The following RNF13 variants were observed in gnomAD, a reference collection of about 807,000 sequenced individuals.
RNF13 encodes ring finger protein 13, also known as E3 ubiquitin-protein ligase RNF13.
In RNF13, 19 loss-of-function variants were observed where a neutral mutation model predicts 37.7. The observed-to-expected ratio is 0.50, with a 90% CI of 0.35 to 0.74. RNF13 has a LOEUF of 0.74. RNF13 is among the 30% of genes least tolerant of loss of function. The probability of loss-of-function intolerance (pLI) is 0.01; values close to 1 mark genes in which losing one functional copy is unlikely to be tolerated. For missense variants in RNF13, 375 were observed against 453.0 expected, an observed-to-expected ratio of 0.83 and a Z score of 1.56; for synonymous variants, 144 against 157.8, an observed-to-expected ratio of 0.91 and a Z score of 0.65.
At chr3:149,894,021 AT>A (rs1263378487) in intron 4 of RNF13, 3 of 152,168 alleles carry the variant, frequency 2.0e-5, no homozygotes, top group Admixed American at 6.5e-5. Context: ...ATTTAAACAC[AT>A]TTAAAAAGTA....
At chr3:149,833,332 C>T (rs927188961) in intron 1 of RNF13, among the ~76,000 whole-genome samples, 1 of 151,988 alleles carries the variant, frequency 6.6e-6, no homozygotes, top group African/African-American at 2.4e-5. Context: ...TTTGGCCAGG[C>T]AGGCCATTAT....
chr3:149,834,351 T>C (rs1389526822), intron 1 of RNF13, among the ~76,000 whole-genome samples: 2 of 152,182 alleles, frequency 1.3e-5, no homozygotes, highest in Admixed American at 1.3e-4. Context: ...AACTACAAAA[T>C]TCCAGTAATT....
At chr3:149,885,047 A>G (rs989769486) in intron 4 of RNF13, among the ~76,000 whole-genome samples, 2 of 152,154 alleles carry the variant, frequency 1.3e-5, no homozygotes, top group Non-Finnish European at 2.9e-5. Flanking sequence ...TCATGTTGCA[A>G]ATGACAGGAT....
intron 3 of RNF13, among the ~76,000 whole-genome samples, chr3:149,860,276 T>A (rs202002991): frequency 0.24 from 25,081 of 105,506 alleles, 3,319 homozygotes; most frequent in East Asian, 0.5. Flanking sequence ...AAAAAATATA[T>A]ATATATATAT....
chr3:149,814,223 GT>G (rs948132531), intron 1 of RNF13: 73 of 152,254 alleles, frequency 4.8e-4, no homozygotes, highest in African/African-American at 1.8e-3. Flanking sequence ...ACAATGATGT[GT>G]TTGTTCTCCA....
At chr3:149,954,684 A>G (rs781206237) in intron 8 of RNF13, among the ~76,000 whole-genome samples, 1 of 152,088 alleles carries the variant, frequency 6.6e-6, no homozygotes, top group Non-Finnish European at 1.5e-5. Flanking sequence ...ATTCATCTTC[A>G]CTTTTGAAGT....
chr3:149,813,138 G>GCAAC (rs1485607500), upstream of RNF13: 1 of 152,308 alleles, frequency 6.6e-6, no homozygotes, highest in Non-Finnish European at 1.5e-5. Flanking sequence ...GCCTTAACAG[G>GCAAC]CAACCATGTT....
intron 6 of RNF13, among the ~76,000 whole-genome samples, chr3:149,902,883 G>A (rs773224863): frequency 3.3e-5 from 5 of 152,044 alleles, no homozygotes; most frequent in Admixed American, 6.6e-5. Context: ...AGCAAAGCTG[G>A]GCACTCATGA....
At chr3:149,896,483 A>C (rs990797953) in intron 5 of RNF13, among the ~76,000 whole-genome samples, 2 of 143,138 alleles carry the variant, frequency 1.4e-5, no homozygotes, top group African/African-American at 5.1e-5. Context: ...CTTCTTCTTT[A>C]TTTTTTTTTT....
At chr3:149,859,426 C>T (rs1006917271) in intron 3 of RNF13, among the ~76,000 whole-genome samples, 3 of 152,042 alleles carry the variant, frequency 2.0e-5, no homozygotes, top group Non-Finnish European at 4.4e-5. Context: ...AGGAATATAG[C>T]ATTTCATTTG....
At chr3:149,895,212 A>G (rs1249099854) in intron 4 of RNF13, 3 of 309,302 alleles carry the variant, frequency 9.7e-6, no homozygotes, top group Non-Finnish European at 1.8e-5. Flanking sequence ...GGGTTACAAA[A>G]GAAGTAATTT....
intron 3 of RNF13, among the ~76,000 whole-genome samples, chr3:149,860,324 T>C (rs534224326): frequency 2.4e-4 from 35 of 146,014 alleles, no homozygotes; most frequent in African/African-American, 8.5e-4. Flanking sequence ...AATGTATTTA[T>C]ACATAATGTA....
chr3:149,908,271 T>C (rs1312449281), intron 6 of RNF13, among the ~76,000 whole-genome samples: 1 of 152,176 alleles, frequency 6.6e-6, no homozygotes, highest in Non-Finnish European at 1.5e-5. Flanking sequence ...TGCAGTTCAC[T>C]GGAGGGATTG....
intron 3 of RNF13, among the ~76,000 whole-genome samples, chr3:149,861,841 A>G (rs1008648094): frequency 5.9e-5 from 9 of 152,174 alleles, no homozygotes; most frequent in African/African-American, 1.9e-4. Context: ...AGGTTCCTCA[A>G]GTATCCTGAC....
At chr3:149,959,579 A>G (rs1722185470) in intron 8 of RNF13, among the ~76,000 whole-genome samples, 1 of 152,362 alleles carries the variant, frequency 6.6e-6, no homozygotes, top group South Asian at 2.1e-4. Flanking sequence ...AGGCTAAGCA[A>G]CTTGCCAAGC....
At chr3:149,831,807 A>G (rs1314503582) in intron 1 of RNF13, among the ~76,000 whole-genome samples, 2 of 152,192 alleles carry the variant, frequency 1.3e-5, no homozygotes, top group African/African-American at 4.8e-5. Flanking sequence ...TAGAAATTCT[A>G]GTTGCCAGAA....
intron 4 of RNF13, 169 bp from the exon 5 acceptor site, chr3:149,895,303 CA>C: frequency 4.2e-6 from 2 of 470,970 alleles, no homozygotes; most frequent in Non-Finnish European, 3.8e-6. Context: ...CTGATTACAG[CA>C]AGTTTCTACC....
rs1721374667 is a variant in RNF13, at chr3:149,834,358, A to G, written c.-16-11653A>G. 2.0e-5 allele frequency among the ~76,000 whole-genome samples: 3 copies of G among 152,250 alleles called. No individual in the cohort carries two copies. The South Asian group carries it at 6.2e-4, about 31-fold the overall frequency. ...CAAAACTTAACTACAAAATTCCAGT[A>G]ATTAAAATAGTGTGGTACTGGTGTA... On this transcript the variant is annotated intron_variant, in intron 1 of 9. Transcript: ENST00000392894.
At chr3:149,864,562 G>C (rs2108424366) in intron 3 of RNF13, among the ~76,000 whole-genome samples, 1 of 152,228 alleles carries the variant, frequency 6.6e-6, no homozygotes. Flanking sequence ...AAAATGTCAA[G>C]GTATCATATC....
Sources: gnomAD v4.1 joint callset for allele counts (sites outside exome capture counted in the v4.1 genomes callset) on GRCh38, gnomAD v4.1.1 for gene constraint, MANE v1.5 for transcripts, NCBI Gene and HGNC (gene_info 2026-07-23, HGNC 2026-07-21) for gene names.